GYPC: variants seen among roughly 807,000 people sequenced by gnomAD.
GYPC encodes the protein glycophorin-C.
Under a neutral mutation model 12.6 loss-of-function variants are expected in GYPC, and 14 were observed. The observed-to-expected ratio is 1.11, with a 90% CI of 0.74 to 1.74. GYPC has a LOEUF of 1.74. Among genes scored for constraint, GYPC ranks in the 40% most tolerant of loss-of-function variants. The pLI is 0.00. For synonymous variants in GYPC, 78 were observed against 62.1 expected (o/e 1.26, Z -1.20); for missense variants, 225 against 172.1 (o/e 1.31, Z -1.72).
intron 1 of GYPC, among the ~76,000 whole-genome samples, chr2:126,675,049 C>G (rs539571351): frequency 6.6e-6 from 1 of 152,280 alleles, no homozygotes; most frequent in African/African-American, 2.4e-5. Context: ...GAAAGGGTCC[C>G]AGATGATTCC....
rs757408377 is a variant in GYPC at position 126,656,219 on chromosome 2, G to C, written c.-45G>C. Reference sequence around the variant, plus strand: ...ACCCTCCCCCGGCCCGGCCTGGCCCGGCCTGGCCAGTCCCCGCGGTCTCTG... The same window carrying C: ...ACCCTCCCCCGGCCCGGCCTGGCCCCGCCTGGCCAGTCCCCGCGGTCTCTG... On this transcript the variant is annotated 5_prime_UTR_variant, in exon 1 of 4. Coordinates refer to ENST00000259254, the MANE Select transcript of GYPC (RefSeq NM_002101.5). 6.4e-7 allele frequency: 1 copy of C among 1,573,722 alleles called. No homozygotes were observed. The highest frequency in any genetic ancestry group is 1.2e-5 in the South Asian group (1 of 86,096).
chr2:126,683,124 C>T (rs1414026999), intron 1 of GYPC, among the ~76,000 whole-genome samples: 3 of 152,154 alleles, frequency 2.0e-5, no homozygotes, highest in African/African-American at 7.2e-5. Context: ...TCGAGACCAG[C>T]CTGGGCAACA....
intron 1 of GYPC, among the ~76,000 whole-genome samples, chr2:126,677,292 TGTTA>T (rs1274684024): frequency 6.6e-5 from 10 of 151,870 alleles, no homozygotes; most frequent in African/African-American, 2.4e-4. Flanking sequence ...TGTGTGAGTG[TGTTA>T]GAGTGTGTGA....
intron 3 of GYPC, among the ~76,000 whole-genome samples, chr2:126,694,895 G>C (rs1319991422): frequency 1.3e-5 from 2 of 151,850 alleles, no homozygotes; most frequent in African/African-American, 4.8e-5. Flanking sequence ...TCAAGGTCCT[G>C]AGTGATCTGA....
intron 1 of GYPC, among the ~76,000 whole-genome samples, chr2:126,663,122 C>T (rs1331101776): frequency 1.3e-5 from 2 of 152,222 alleles, no homozygotes; most frequent in East Asian, 1.9e-4. Context: ...ACTGCAACCT[C>T]CGACTCCCTG....
At chr2:126,660,016 C>G (rs539290212) in intron 1 of GYPC, among the ~76,000 whole-genome samples, 2 of 152,290 alleles carry the variant, frequency 1.3e-5, no homozygotes, top group South Asian at 4.1e-4. Flanking sequence ...GGAGATAAGC[C>G]GCCATAGGGC....
intron 1 of GYPC, among the ~76,000 whole-genome samples, chr2:126,662,631 A>G (rs1368432049): frequency 6.6e-6 from 1 of 152,030 alleles, no homozygotes. Context: ...GCTATCTTCA[A>G]ATTCTTCTCT....
intron 1 of GYPC, among the ~76,000 whole-genome samples, chr2:126,669,153 A>G (rs1442180472): frequency 1.3e-5 from 2 of 152,236 alleles, no homozygotes; most frequent in Non-Finnish European, 2.9e-5. Context: ...TTGGTGATCA[A>G]TGCTGACTGC....
intron 1 of GYPC, among the ~76,000 whole-genome samples, chr2:126,687,062 A>G (rs537482293): frequency 6.6e-6 from 1 of 152,256 alleles, no homozygotes; most frequent in South Asian, 2.1e-4. Context: ...GAATGGGTAC[A>G]GTGTAAGGGA....
chr2:126,671,591 C>A (rs1197986083), intron 1 of GYPC, among the ~76,000 whole-genome samples: 1 of 152,188 alleles, frequency 6.6e-6, no homozygotes, highest in Non-Finnish European at 1.5e-5. Flanking sequence ...CCTGGTAGCT[C>A]CAGAGCTCAA....
At chr2:126,677,336 TAAGA>T (rs144631623) in intron 1 of GYPC, among the ~76,000 whole-genome samples, 24,312 of 150,444 alleles carry the variant, frequency 0.16, 2,466 homozygotes, top group East Asian at 0.42. Flanking sequence ...TGATAGTGTG[TAAGA>T]AAGAATGTGT....
rs778988798 is a variant in GYPC, at chr2:126,656,295, C to T, written c.32C>T (p.Ala11Val). 4 of 1,598,318 alleles carry T rather than the reference C, an allele frequency of 2.5e-6. No individual in the cohort carries two copies. The highest frequency in any genetic ancestry group is 1.1e-5 in the South Asian group (1 of 89,158). The change falls in exon 1 of 4, where the codon GCG becomes GTG. Residue 11 changes from alanine (A) to valine (V), a missense_variant. Transcript: ENST00000259254. MWSTRSPNST[A>V]WPLSLEPDPG... ...TCGACGAGAAGCCCCAACAGCACGGCGTGGCCTCTCAGCCTCGGTGAGTAC... is the reference window on the plus strand; with the variant it reads ...TCGACGAGAAGCCCCAACAGCACGGTGTGGCCTCTCAGCCTCGGTGAGTAC...
chr2:126,662,182 A>T (rs960664510), intron 1 of GYPC, among the ~76,000 whole-genome samples: 10 of 152,158 alleles, frequency 6.6e-5, no homozygotes, highest in Admixed American at 3.3e-4. Flanking sequence ...CAGTCTTAAA[A>T]GGGGGGAAAT....
At chr2:126,683,599 G>T (rs1437968499) in intron 1 of GYPC, among the ~76,000 whole-genome samples, 1 of 152,240 alleles carries the variant, frequency 6.6e-6, no homozygotes, top group Non-Finnish European at 1.5e-5. Context: ...AACTGAGGCA[G>T]ATTGGTTATG....
Position 126,696,296 on chromosome 2 carries a change from C to A in GYPC, c.*154C>A. 1.4e-6 allele frequency: 1 copy of A among 702,196 alleles called. No individual in the cohort carries two copies. Among genetic ancestry groups the A allele is most frequent in the East Asian group, 2.7e-5 (1 of 36,528 alleles). The allele number at this position is 702,196 out of a possible 1,614,324, so 43.5% of individuals were successfully genotyped here. On this transcript the variant is annotated 3_prime_UTR_variant, in exon 4 of 4. Coordinates refer to ENST00000259254, the MANE Select transcript of GYPC (RefSeq NM_002101.5). The stretch of plus-strand genomic sequence containing the variant: ...CACCTGGAAACACTAGGTGCCTGCC[C>A]AGGGAGGAACGGAGGAGGACTCGCG...
intron 2 of GYPC, among the ~76,000 whole-genome samples, chr2:126,692,733 G>A (rs28387213): frequency 0.011 from 1,601 of 150,894 alleles, 31 homozygotes; most frequent in African/African-American, 0.036. Context: ...AACTTGGATA[G>A]TGTCATAGAG....
intron 2 of GYPC, 88 bp from the exon 3 acceptor site, chr2:126,693,776 C>T: frequency 1.1e-6 from 1 of 887,988 alleles, no homozygotes; most frequent in East Asian, 2.4e-5. Flanking sequence ...CTGCTCACAC[C>T]TGAGCAAAGG....
intron 1 of GYPC, among the ~76,000 whole-genome samples, chr2:126,679,091 A>C (rs1683090489): frequency 6.6e-6 from 1 of 152,222 alleles, no homozygotes; most frequent in Non-Finnish European, 1.5e-5. Flanking sequence ...AAATGCAATT[A>C]TATGATTTTT....
chr2:126,657,308 G>A (rs1019564534), intron 1 of GYPC, among the ~76,000 whole-genome samples: 1 of 152,220 alleles, frequency 6.6e-6, no homozygotes, highest in African/African-American at 2.4e-5. Flanking sequence ...CTGGGAGTGC[G>A]CAGGCATCAG....
Sources: gnomAD v4.1 joint callset for allele counts (sites outside exome capture counted in the v4.1 genomes callset) on GRCh38, gnomAD v4.1.1 for gene constraint, MANE v1.5 for transcripts, NCBI Gene and HGNC (gene_info 2026-07-23, HGNC 2026-07-21) for gene names.